L3MBTL3: variants seen among roughly 807,000 people sequenced by gnomAD.
L3MBTL3 encodes L3MBTL histone methyl-lysine binding protein 3.
L3MBTL3 carries 27 observed loss-of-function variants against 102.3 expected under a neutral mutation model. The ratio of observed to expected loss-of-function variants is 0.26; its 90% CI spans 0.19 to 0.36. The LOEUF is 0.36. Ranked by LOEUF, L3MBTL3 falls within the 10% of genes least tolerant of loss-of-function variation. The pLI is 1.00. For synonymous variants in L3MBTL3, 340 were observed against 320.9 expected (o/e 1.06, Z -0.64); for missense variants, 798 against 955.3 (o/e 0.84, Z 2.17).
intron 1 of L3MBTL3, among the ~76,000 whole-genome samples, chr6:130,018,884 CG>C (rs1249162373): frequency 6.6e-6 from 1 of 151,892 alleles, no homozygotes; most frequent in Non-Finnish European, 1.5e-5. Flanking sequence ...AACTTAATCC[CG>C]GGGAAAAAAG....
intron 11 of L3MBTL3, among the ~76,000 whole-genome samples, chr6:130,067,379 G>T (rs1055081654): frequency 2.0e-5 from 3 of 152,138 alleles, no homozygotes; most frequent in Non-Finnish European, 4.4e-5. Flanking sequence ...CTCCCAAAGT[G>T]CTGGGATTAC....
chr6:130,123,062 T>C (rs73602343), intron 20 of L3MBTL3, among the ~76,000 whole-genome samples: 2,297 of 152,310 alleles, frequency 0.015, 58 homozygotes, highest in African/African-American at 0.052. Flanking sequence ...TGATAACATA[T>C]TTAGTTTCTC....
At chr6:130,102,601 C>T (rs557984169) in intron 18 of L3MBTL3, among the ~76,000 whole-genome samples, 1 of 152,284 alleles carries the variant, frequency 6.6e-6, no homozygotes, top group Admixed American at 6.5e-5. Context: ...TGCCTGCCTG[C>T]TTCTCCCGGT....
intron 20 of L3MBTL3, among the ~76,000 whole-genome samples, chr6:130,128,021 C>T (rs780893401): frequency 6.6e-6 from 1 of 152,052 alleles, no homozygotes; most frequent in Non-Finnish European, 1.5e-5. Flanking sequence ...TTGTAACCTG[C>T]AGTTTGCATA....
chr6:130,030,285 C>T (rs939452952), intron 2 of L3MBTL3, among the ~76,000 whole-genome samples: 1 of 152,074 alleles, frequency 6.6e-6, no homozygotes, highest in Non-Finnish European at 1.5e-5. Context: ...ATATACCTAA[C>T]CCATTTTACA....
intron 22 of L3MBTL3, 103 bp downstream of exon 22, chr6:130,134,008 G>C: frequency 1.1e-6 from 1 of 885,980 alleles, no homozygotes; most frequent in East Asian, 2.5e-5. Context: ...AAAAGAGATG[G>C]GGTGTGTTGA....
chr6:130,094,734 T>C (rs1204075717), intron 18 of L3MBTL3, among the ~76,000 whole-genome samples: 1 of 152,106 alleles, frequency 6.6e-6, no homozygotes, highest in Non-Finnish European at 1.5e-5. Flanking sequence ...ACTTGATAAT[T>C]TGAATAATGA....
At chr6:130,094,000 G>A (rs1012925603) in intron 17 of L3MBTL3, among the ~76,000 whole-genome samples, 11 of 152,198 alleles carry the variant, frequency 7.2e-5, no homozygotes, top group African/African-American at 2.7e-4. Flanking sequence ...ATGACGTTTT[G>A]AAAGATTGTT....
chr6:130,123,245 T>C lies in L3MBTL3; in HGVS notation c.1966+2287T>C, dbSNP rs75542412. Among the ~76,000 whole-genome samples, 177 of 152,276 alleles carry C rather than the reference T, an allele frequency of 1.2e-3. 6 individuals carry two copies. In the South Asian group the frequency reaches 0.031, roughly 27 times the overall value. ...TAGTTTTATGTCTTTCTAATTTTTT[T>C]CTTTCTGTTTTTCTTGATTTGAATT... On this transcript the variant is annotated intron_variant, in intron 20 of 22. Coordinates refer to ENST00000361794, the MANE Select transcript of L3MBTL3 (RefSeq NM_032438.4).
At chr6:130,020,747 T>G (rs1778949306) in intron 1 of L3MBTL3, 1 of 149,040 alleles carries the variant, frequency 6.7e-6, no homozygotes, top group African/African-American at 2.5e-5. Context: ...TCCCCGCCGA[T>G]TTTTTGAGGG....
chr6:130,032,341 C>G (rs1584283572), intron 2 of L3MBTL3, among the ~76,000 whole-genome samples: 1 of 152,176 alleles, frequency 6.6e-6, no homozygotes, highest in Admixed American at 6.5e-5. Context: ...CCCAGCTGCT[C>G]TAGAGGCTGA....
chr6:130,046,786 C>T (rs1228626952), intron 3 of L3MBTL3, among the ~76,000 whole-genome samples: 1 of 152,156 alleles, frequency 6.6e-6, no homozygotes, highest in Non-Finnish European at 1.5e-5. Context: ...GGTGAAATTT[C>T]CATCATTCCA....
intron 13 of L3MBTL3, among the ~76,000 whole-genome samples, chr6:130,071,998 A>G (rs1170777743): frequency 6.6e-6 from 1 of 152,134 alleles, no homozygotes; most frequent in Non-Finnish European, 1.5e-5. Context: ...ATTATATGTT[A>G]CCTACGCTTT....
In L3MBTL3 at chr6:130,133,721, T is replaced by G; in HGVS notation, c.2136+100T>G. ...AGGTAGCGTTTAGTCTTTTTTTTTC[T>G]GAAAGAGAAGAAATTATTGTGAGAG... On this transcript the variant is annotated intron_variant, in intron 21 of 22. Coordinates refer to ENST00000361794, the MANE Select transcript of L3MBTL3 (RefSeq NM_032438.4). The surrounding 1 kb of genome is among the most constrained non-coding windows in gnomAD (Gnocchi z 4.9). 1 of 1,491,390 alleles carries G rather than the reference T, an allele frequency of 6.7e-7. No individual in the cohort carries two copies. The highest frequency in any genetic ancestry group is 1.9e-5 in the Admixed American group (1 of 53,186). 92.4% of individuals were successfully genotyped at this position (1,491,390 alleles called of 1,614,324 possible). A position where few individuals can be genotyped will look rare whatever the true frequency, so the allele number is the denominator to read the frequency against.
chr6:130,035,210 C>T (rs976976844), intron 2 of L3MBTL3, among the ~76,000 whole-genome samples: 1 of 152,168 alleles, frequency 6.6e-6, no homozygotes, highest in Non-Finnish European at 1.5e-5. Context: ...AAAGAAGGCT[C>T]ACCACCATCA....
intron 17 of L3MBTL3, among the ~76,000 whole-genome samples, chr6:130,093,729 C>CA (rs958714028): frequency 1.1e-4 from 16 of 152,262 alleles, no homozygotes; most frequent in Admixed American, 9.2e-4. Flanking sequence ...TTTTATGTGG[C>CA]AAAATCAAAC....
chr6:130,034,926 ACCT>A (rs1414216372), intron 2 of L3MBTL3, among the ~76,000 whole-genome samples: 1 of 152,046 alleles, frequency 6.6e-6, no homozygotes, highest in African/African-American at 2.4e-5. Context: ...TGAACCGTAC[ACCT>A]CCTCCTCTCA....
intron 19 of L3MBTL3, among the ~76,000 whole-genome samples, chr6:130,116,234 C>G (rs994068393): frequency 5.3e-5 from 8 of 152,244 alleles, no homozygotes; most frequent in African/African-American, 1.9e-4. Flanking sequence ...GTGCCTGGCT[C>G]TGTGCTAAGT....
intron 4 of L3MBTL3, 76 bp from the exon 5 acceptor site, chr6:130,049,680 C>T: frequency 1.3e-6 from 2 of 1,584,054 alleles, no homozygotes; most frequent in Non-Finnish European, 1.7e-6. Context: ...CAAAAGCCTG[C>T]CACTTTTTTT....
Sources: allele counts gnomAD v4.1 joint callset (sites outside exome capture counted in the v4.1 genomes callset), GRCh38; gene constraint gnomAD v4.1.1; non-coding constraint Gnocchi (gnomAD v3.1); transcripts MANE v1.5; gene names NCBI Gene and HGNC (gene_info 2026-07-23, HGNC 2026-07-21).